NYAP2: variants seen among roughly 807,000 people sequenced by gnomAD.
NYAP2 encodes neuronal tyrosine-phosphorylated phosphoinositide-3-kinase adapter 2.
In NYAP2, 23 loss-of-function variants were observed where a neutral mutation model predicts 50.4. The observed-to-expected ratio is 0.46, with a 90% CI of 0.33 to 0.65. The LOEUF (loss-of-function observed/expected upper bound fraction) is 0.65, where lower values mean the gene tolerates loss of function less well. Among genes scored for constraint, NYAP2 ranks in the 30% least tolerant of loss-of-function variants. The pLI, the probability that NYAP2 is intolerant of heterozygous loss-of-function variation, is 0.02. For synonymous variants in NYAP2, 394 were observed against 365.2 expected (o/e 1.08, Z -0.90); for missense variants, 885 against 861.0 (o/e 1.03, Z -0.35).
the NYAP2 span, among the ~76,000 whole-genome samples, chr2:225,691,304 A>G: frequency 6.6e-6 from 1 of 152,178 alleles, no homozygotes; most frequent in Admixed American, 6.6e-5. Context: ...TACGTCAACA[A>G]ATAGGTACAT....
At chr2:225,507,224 A>G (rs538033852) in intron 3 of NYAP2, among the ~76,000 whole-genome samples, 9 of 152,322 alleles carry the variant, frequency 5.9e-5, no homozygotes, top group Non-Finnish European at 1.2e-4. Flanking sequence ...AGTGCTTAGC[A>G]AAGAAAACTC....
intron 4 of NYAP2, among the ~76,000 whole-genome samples, chr2:225,518,546 A>ATATATATAAAAATTAGCTTGTGAGCT (rs1559202469): frequency 1.3e-5 from 1 of 74,314 alleles, no homozygotes; most frequent in African/African-American, 5.0e-5. Context: ...ATATATATAT[A>ATATATATAAAAATTAGCTTGTGAGCT]TATATATATA....
chr2:225,398,108 C>T (rs568511922), upstream of NYAP2, among the ~76,000 whole-genome samples: 4 of 152,010 alleles, frequency 2.6e-5, no homozygotes, highest in East Asian at 7.8e-4. Flanking sequence ...TTATGCTTGG[C>T]AACTGTATGT....
the NYAP2 span, among the ~76,000 whole-genome samples, chr2:225,684,465 C>G: frequency 1.3e-5 from 2 of 151,536 alleles, no homozygotes; most frequent in African/African-American, 4.8e-5. Flanking sequence ...CCTTTTCTCC[C>G]CACCCCCAGC....
chr2:225,469,516 A>T (rs1024921023), intron 3 of NYAP2, among the ~76,000 whole-genome samples: 2 of 152,196 alleles, frequency 1.3e-5, no homozygotes, highest in Non-Finnish European at 2.9e-5. Flanking sequence ...TACCCAAAGG[A>T]TTATAAATCA....
At chr2:225,436,263 C>A (rs1266213297) in intron 3 of NYAP2, among the ~76,000 whole-genome samples, 1 of 152,152 alleles carries the variant, frequency 6.6e-6, no homozygotes, top group African/African-American at 2.4e-5. Flanking sequence ...TACCACAAAC[C>A]AATTGGCTTA....
At chr2:225,560,296 T>C (rs1486959012) in intron 4 of NYAP2, among the ~76,000 whole-genome samples, 2 of 152,150 alleles carry the variant, frequency 1.3e-5, no homozygotes, top group Non-Finnish European at 2.9e-5. Flanking sequence ...TATAAGGGTC[T>C]TGTTAATTTA....
chr2:225,668,511 A>G, the NYAP2 span, among the ~76,000 whole-genome samples: 2 of 152,190 alleles, frequency 1.3e-5, no homozygotes, highest in African/African-American at 2.4e-5. Context: ...TTCTCTTAGA[A>G]AAAGAAGAAA....
chr2:225,643,423 C>A (rs1693567654), intron 6 of NYAP2, among the ~76,000 whole-genome samples: 1 of 151,842 alleles, frequency 6.6e-6, no homozygotes, highest in South Asian at 2.1e-4. Flanking sequence ...TTTTTTTCGG[C>A]TCCCTTATAA....
At chr2:225,562,266 T>C (rs1691889034) in intron 4 of NYAP2, among the ~76,000 whole-genome samples, 1 of 152,188 alleles carries the variant, frequency 6.6e-6, no homozygotes, top group African/African-American at 2.4e-5. Flanking sequence ...GAAAAACAAT[T>C]CTTCCCATTG....
intron 2 of NYAP2, among the ~76,000 whole-genome samples, chr2:225,408,251 G>T (rs1574598760): frequency 6.6e-6 from 1 of 151,966 alleles, no homozygotes. Context: ...GTTAGTTGTA[G>T]TATGAAGGCA....
At chr2:225,480,921 A>G (rs770617092) in intron 3 of NYAP2, among the ~76,000 whole-genome samples, 2 of 152,144 alleles carry the variant, frequency 1.3e-5, no homozygotes, top group Non-Finnish European at 2.9e-5. Flanking sequence ...AATTGAGAGT[A>G]AACACCCCTT....
intron 3 of NYAP2, among the ~76,000 whole-genome samples, chr2:225,446,053 A>G (rs1689548710): frequency 6.6e-6 from 1 of 151,702 alleles, no homozygotes; most frequent in Non-Finnish European, 1.5e-5. Context: ...TGGTAGTTCA[A>G]GCCTGTAATC....
intron 3 of NYAP2, among the ~76,000 whole-genome samples, chr2:225,412,115 T>A (rs936752304): frequency 6.4e-4 from 96 of 150,664 alleles, no homozygotes; most frequent in Non-Finnish European, 1.1e-3. Context: ...TGCACCACCA[T>A]GCCCAGCTAA....
chr2:225,530,360 T>C (rs954777099), intron 4 of NYAP2, among the ~76,000 whole-genome samples: 2 of 152,120 alleles, frequency 1.3e-5, no homozygotes, highest in African/African-American at 2.4e-5. Context: ...TCCACCCTCA[T>C]CCAAAATCCA....
At chr2:225,655,773 C>A (rs965559261), downstream of NYAP2, among the ~76,000 whole-genome samples, 3 of 151,946 alleles carry the variant, frequency 2.0e-5, no homozygotes, top group East Asian at 1.9e-4. Context: ...AAGAATGGAG[C>A]GGCTAAGATG....
intron 5 of NYAP2, among the ~76,000 whole-genome samples, chr2:225,608,191 A>G (rs937098624): frequency 2.6e-5 from 4 of 152,176 alleles, no homozygotes; most frequent in African/African-American, 9.6e-5. Context: ...ATAAAAATAT[A>G]CACTATTAAA....
intron 3 of NYAP2, among the ~76,000 whole-genome samples, chr2:225,510,008 C>A (rs1449236330): frequency 6.6e-6 from 1 of 152,188 alleles, no homozygotes; most frequent in African/African-American, 2.4e-5. Context: ...TAAGCCACAT[C>A]TGAGCAGAAG....
At chr2:225,588,477 T>A (rs1240315437) in intron 5 of NYAP2, among the ~76,000 whole-genome samples, 1 of 152,178 alleles carries the variant, frequency 6.6e-6, no homozygotes, top group Non-Finnish European at 1.5e-5. Context: ...TTTTTTGTGC[T>A]GTGTGAGGTC....
Sources: allele counts gnomAD v4.1 joint callset (sites outside exome capture counted in the v4.1 genomes callset), GRCh38; gene constraint gnomAD v4.1.1; transcripts MANE v1.5; gene names NCBI Gene and HGNC (gene_info 2026-07-23, HGNC 2026-07-21).